TBC1D2: variants seen among roughly 807,000 people sequenced by gnomAD.
The protein encoded by TBC1D2 is TBC1 domain family member 2A.
In TBC1D2, 58 loss-of-function variants were observed where a neutral mutation model predicts 91.1. That is an observed-to-expected ratio of 0.64 (90% CI 0.52 to 0.79). The LOEUF is 0.79. Among genes scored for constraint, TBC1D2 ranks in the 30% least tolerant of loss-of-function variants. The pLI is 0.00. For missense variants in TBC1D2, 1,080 were observed against 1,208.3 expected, an observed-to-expected ratio of 0.89 and a Z score of 1.57; for synonymous variants, 482 against 511.5, an observed-to-expected ratio of 0.94 and a Z score of 0.78.
chr9:98,203,940 G>C (rs1466490478), intron 9 of TBC1D2, among the ~76,000 whole-genome samples: 1 of 152,174 alleles, frequency 6.6e-6, no homozygotes. Flanking sequence ...CCGGGGCCAA[G>C]AGGCATCTTG....
chr9:98,227,441 CT>C (rs1250382539), intron 5 of TBC1D2, among the ~76,000 whole-genome samples: 1 of 152,118 alleles, frequency 6.6e-6, no homozygotes, highest in African/African-American at 2.4e-5. Flanking sequence ...ACTCTAATGT[CT>C]AATCACCAGT....
At chr9:98,252,900 T>A (rs553097218) in intron 1 of TBC1D2, among the ~76,000 whole-genome samples, 101 of 152,132 alleles carry the variant, frequency 6.6e-4, no homozygotes, top group Non-Finnish European at 1.1e-3. Context: ...TTCACTGGTG[T>A]GCACTATGCA....
At chr9:98,221,365 A>C in intron 5 of TBC1D2, 137 bp from the exon 6 acceptor site, 4 of 1,099,876 alleles carry the variant, frequency 3.6e-6, no homozygotes, top group Non-Finnish European at 5.1e-6. Flanking sequence ...TCATCCTGAC[A>C]CTCACTTTCT....
intron 6 of TBC1D2, among the ~76,000 whole-genome samples, chr9:98,218,037 G>A (rs2119067370): frequency 6.6e-6 from 1 of 152,038 alleles, no homozygotes; most frequent in South Asian, 2.1e-4. Flanking sequence ...TTTTTGTAGA[G>A]ATGAGATCTT....
chr9:98,212,110 T>C (rs912749479), intron 7 of TBC1D2, among the ~76,000 whole-genome samples: 6 of 152,106 alleles, frequency 3.9e-5, no homozygotes, highest in African/African-American at 1.4e-4. Flanking sequence ...TCTCAGGGAT[T>C]TCTGCTGCTG....
chr9:98,223,976 G>A lies in TBC1D2; in HGVS notation c.979-2748C>T, dbSNP rs551159200. 3.9e-5 allele frequency among the ~76,000 whole-genome samples: 6 copies of A among 152,272 alleles called. No individual in the cohort carries two copies. In the East Asian group the frequency reaches 9.7e-4, roughly 25 times the overall value. On this transcript the variant is annotated intron_variant, in intron 5 of 12. Transcript: ENST00000465784. ...GCACTTTGGGAGGCCAAGGCGGTCG[G>A]ATCACGAGGTCAGGAGATCGAGACC...
At chr9:98,233,368 G>T in intron 4 of TBC1D2, 48 bp downstream of exon 4, 1 of 1,575,420 alleles carries the variant, frequency 6.3e-7, no homozygotes, top group Non-Finnish European at 8.6e-7. Flanking sequence ...TGTGCCAGCC[G>T]TGAGGAGCTG....
At chr9:98,201,380 T>A in intron 11 of TBC1D2, 99 bp downstream of exon 11, 1 of 1,138,068 alleles carries the variant, frequency 8.8e-7, no homozygotes, top group South Asian at 1.5e-5. Context: ...CTCTGACAAG[T>A]AAGCATTGTC....
chr9:98,255,084 T>C lies in TBC1D2; in HGVS notation c.369+89A>G, dbSNP rs551397396. ...GTCGTCACCGACACTCCAAATTTAC[T>C]GTGTCCACCTCACACTCGCGCCCAG... On this transcript the variant is annotated intron_variant, in intron 1 of 12. Coordinates refer to ENST00000465784, the MANE Select transcript of TBC1D2 (RefSeq NM_001267571.2). 8.7e-6 allele frequency: 13 copies of C among 1,497,244 alleles called. No individual in the cohort carries two copies. In the Admixed American group the frequency reaches 2.0e-4, roughly 23 times the overall value. 92.7% of individuals were successfully genotyped at this position (1,497,244 alleles called of 1,614,324 possible). A position where few individuals can be genotyped will look rare whatever the true frequency, so the allele number is the denominator to read the frequency against.
chr9:98,200,208 G>A (rs772757839), intron 12 of TBC1D2, 45 bp downstream of exon 12: 18 of 1,610,312 alleles, frequency 1.1e-5, no homozygotes, highest in South Asian at 6.6e-5. Flanking sequence ...TGTGTCCTTG[G>A]GGGTGTGTGA....
chr9:98,201,414 C>T, intron 11 of TBC1D2, 65 bp downstream of exon 11: 1 of 1,471,618 alleles, frequency 6.8e-7, no homozygotes, highest in South Asian at 1.2e-5. Context: ...GGGGCAGAGT[C>T]AAGACGCAGA....
intron 8 of TBC1D2, among the ~76,000 whole-genome samples, chr9:98,209,595 C>T (rs1828758463): frequency 6.6e-6 from 1 of 152,142 alleles, no homozygotes; most frequent in Non-Finnish European, 1.5e-5. Context: ...CAGCTGGGGA[C>T]CCGTTCCAGA....
At position 98,255,557 on chromosome 9, in the gene TBC1D2, A is replaced by G; in HGVS notation, c.-16T>C. On this transcript the variant is annotated 5_prime_UTR_variant, in exon 1 of 13. Coordinates refer to ENST00000465784, the MANE Select transcript of TBC1D2 (RefSeq NM_001267571.2). ...CGCCCTCCATCGCTGCCAGCCGGAGACTGCGGAGGGACGAGGGGTCCGCGG... is the reference window on the plus strand; with the variant it reads ...CGCCCTCCATCGCTGCCAGCCGGAGGCTGCGGAGGGACGAGGGGTCCGCGG... 1.3e-6 allele frequency: 2 copies of G among 1,498,156 alleles called. No individual in the cohort carries two copies. Among genetic ancestry groups the G allele is most frequent in the Non-Finnish European group, 1.8e-6 (2 of 1,126,726 alleles). The allele number at this position is 1,498,156 out of a possible 1,614,324, so 92.8% of individuals were successfully genotyped here.
At chr9:98,226,412 G>C (rs1045649742) in intron 5 of TBC1D2, among the ~76,000 whole-genome samples, 1 of 152,210 alleles carries the variant, frequency 6.6e-6, no homozygotes, top group Non-Finnish European at 1.5e-5. Flanking sequence ...ACCAGAGCCT[G>C]CATCTGTTGG....
rs1828733958 is a variant in TBC1D2, at chr9:98,208,906, G to A, written c.1912C>T (p.Leu638=). The A allele has an allele frequency of 6.2e-7, 1 of 1,614,106 alleles. No homozygotes were observed. The highest frequency in any genetic ancestry group is 1.3e-5 in the African/African-American group (1 of 75,020). The change falls in exon 9 of 13, where the codon CTG becomes TTG. Residue 638 remains leucine (L), a synonymous_variant. Coordinates refer to ENST00000465784, the MANE Select transcript of TBC1D2 (RefSeq NM_001267571.2). ...AGGTGCTGGACACGGAGGTGGACCA[G>A]CCACCTCCAGACACGAGGCCGGTGT... ...REHRPRVWRW[L]VHLRVQHLHT... is the part of the protein sequence containing the mutation.
At position 98,213,168 on chromosome 9, in the gene TBC1D2, G is replaced by A; in HGVS notation, c.1425C>T (p.Ile475=). 1 of 1,614,176 alleles carries A rather than the reference G, an allele frequency of 6.2e-7. No individual in the cohort carries two copies. Among genetic ancestry groups the A allele is most frequent in the South Asian group, 1.1e-5 (1 of 91,072 alleles). Residue 475 remains isoleucine, a synonymous_variant, in exon 7 of 13, where the codon ATC becomes ATT. Coordinates refer to ENST00000465784, the MANE Select transcript of TBC1D2 (RefSeq NM_001267571.2). ...RTQNCFLNSE[I]HQVTKIWRKV... ...TTCTCCAGATCTTTGTGACCTGGTG[G>A]ATCTCGGAGTTGAGGAAGCAGTTCT...
chr9:98,224,781 T>C (rs1213242326), intron 5 of TBC1D2, among the ~76,000 whole-genome samples: 4 of 152,200 alleles, frequency 2.6e-5, no homozygotes, highest in African/African-American at 7.2e-5. Context: ...GCATGGGCTT[T>C]GGAGTTGCAC....
intron 6 of TBC1D2, among the ~76,000 whole-genome samples, chr9:98,217,066 G>A (rs1828987508): frequency 6.6e-6 from 1 of 152,168 alleles, no homozygotes; most frequent in African/African-American, 2.4e-5. Context: ...CCAGCTCTAG[G>A]GAAGGCACAG....
chr9:98,204,837 T>G (rs768320229), intron 9 of TBC1D2, among the ~76,000 whole-genome samples: 51 of 152,166 alleles, frequency 3.4e-4, no homozygotes, highest in Non-Finnish European at 1.2e-4. Context: ...AGTTCAAGGA[T>G]AGCAAACGTG....
Sources: allele counts gnomAD v4.1 joint callset (sites outside exome capture counted in the v4.1 genomes callset), GRCh38; gene constraint gnomAD v4.1.1; transcripts MANE v1.5; gene names NCBI Gene and HGNC (gene_info 2026-07-23, HGNC 2026-07-21).